Variants in KTN1 observed in about 807,000 individuals in gnomAD.
KTN1 encodes kinectin.
A neutral mutation model predicts 222.5 loss-of-function variants in KTN1; 130 were observed. The ratio of observed to expected loss-of-function variants is 0.58; its 90% confidence interval spans 0.51 to 0.68. The LOEUF (loss-of-function observed/expected upper bound fraction) is 0.68, where lower values mean the gene tolerates loss of function less well. Ranked by LOEUF, KTN1 falls within the 30% of genes least tolerant of loss-of-function variation. The pLI is 0.00. For missense variants in KTN1, 1,508 were observed against 1,500.4 expected, an observed-to-expected ratio of 1.01 and a Z score of -0.08; for synonymous variants, 512 against 496.3, an observed-to-expected ratio of 1.03 and a Z score of -0.42.
intron 8 of KTN1, 66 bp downstream of exon 8, chr14:55,633,407 T>G: frequency 1.1e-6 from 1 of 923,022 alleles, no homozygotes; most frequent in Non-Finnish European, 1.6e-6. Context: ...ATCAAAATAT[T>G]AATAGCGTTT....
Position 55,612,383 on chromosome 14 carries a change from G to C in KTN1, c.335G>C (p.Arg112Thr). ...GTCGTTGAAACTTCAAGTAGTGTTA[G>C]GGAAAGAAAAAAGAAGGAAAAGAAA... is the stretch of plus-strand genomic sequence containing the variant. Reference protein sequence around the residue: ...LNVVETSSSVRERKKKEKKQK... With the variant: ...LNVVETSSSVTERKKKEKKQK... The change falls in exon 2 of 44, where the codon AGG (arginine) becomes ACG (threonine). Residue 112 changes from arginine to threonine, a missense_variant. Coordinates refer to ENST00000395314, the MANE Select transcript of KTN1 (RefSeq NM_001079521.2). The C allele has an allele frequency of 6.2e-7, 1 of 1,613,932 alleles. No homozygotes were observed. Among genetic ancestry groups the C allele is most frequent in the Non-Finnish European group, 8.5e-7 (1 of 1,179,932 alleles).
intron 1 of KTN1, among the ~76,000 whole-genome samples, chr14:55,588,449 C>T (rs976068271): frequency 1.3e-5 from 2 of 152,094 alleles, no homozygotes; most frequent in Admixed American, 1.3e-4. Flanking sequence ...GCATGGGTCT[C>T]ATGGTGTTAT....
intron 18 of KTN1, among the ~76,000 whole-genome samples, chr14:55,646,629 A>G (rs1388127522): frequency 6.9e-6 from 1 of 144,020 alleles, no homozygotes; most frequent in Non-Finnish European, 1.5e-5. Flanking sequence ...GAGGTCTTAG[A>G]GTCTGGATTC....
chr14:55,641,244 A>G, intron 17 of KTN1, 36 bp downstream of exon 17: 2 of 1,222,184 alleles, frequency 1.6e-6, no homozygotes, highest in East Asian at 2.3e-5. Context: ...GGTTTCTTAG[A>G]ACAACCTTGT....
intron 24 of KTN1, among the ~76,000 whole-genome samples, chr14:55,650,980 A>G (rs2042883000): frequency 6.6e-6 from 1 of 152,146 alleles, no homozygotes; most frequent in Admixed American, 6.5e-5. Flanking sequence ...ATGTTATTTG[A>G]ATATACATTG....
intron 8 of KTN1, 145 bp downstream of exon 8, chr14:55,633,486 C>G (rs914170714): frequency 7.9e-6 from 4 of 503,460 alleles, no homozygotes; most frequent in Admixed American, 3.9e-5. Flanking sequence ...AAAAACAATT[C>G]TCTTTTGCTT....
Position 55,637,374 on chromosome 14 carries a change from C to A in KTN1, c.1716+10C>A. 3 of 1,508,400 alleles carry A rather than the reference C, an allele frequency of 2.0e-6. No individual in the cohort carries two copies. Among genetic ancestry groups the A allele is most frequent in the Non-Finnish European group, 1.8e-6 (2 of 1,126,226 alleles). The allele number at this position is 1,508,400 out of a possible 1,614,324, so 93.4% of individuals were successfully genotyped here. On this transcript the variant is annotated intron_variant, in intron 11 of 43. Coordinates refer to ENST00000395314, the MANE Select transcript of KTN1 (RefSeq NM_001079521.2). ...ACAAATGCAGGTTCAGGTATTTTTT[C>A]TTCTTTTTTTTTTTTTAAAAAAATA...
chr14:55,594,242 T>C (rs1157942941), intron 1 of KTN1, among the ~76,000 whole-genome samples: 3 of 152,188 alleles, frequency 2.0e-5, no homozygotes, highest in Non-Finnish European at 4.4e-5. Flanking sequence ...TCCTGAGTAG[T>C]ATTCACAGTG....
At chr14:55,591,579 T>TC (rs759660560) in intron 1 of KTN1, among the ~76,000 whole-genome samples, 9,136 of 148,190 alleles carry the variant, frequency 0.062, 406 homozygotes, top group South Asian at 0.091. Flanking sequence ...CTTTCTCTCT[T>TC]TCTTTTTTTT....
intron 5 of KTN1, among the ~76,000 whole-genome samples, chr14:55,623,251 A>G (rs1334390808): frequency 2.0e-5 from 3 of 152,282 alleles, no homozygotes; most frequent in Non-Finnish European, 4.4e-5. Context: ...ACAATGTAGT[A>G]TGCTTGTTAG....
chr14:55,684,003 A>C, intron 43 of KTN1, 96 bp from the exon 44 acceptor site: 1 of 1,045,510 alleles, frequency 9.6e-7, no homozygotes, highest in East Asian at 2.5e-5. Context: ...TGCTAGATCA[A>C]ATGGAATATG....
At chr14:55,667,586 G>GT (rs971786601) in intron 34 of KTN1, 2 of 230,314 alleles carry the variant, frequency 8.7e-6, no homozygotes, top group African/African-American at 4.6e-5. Context: ...GGAAAGAAAT[G>GT]TTTTTTAATG....
intron 1 of KTN1, among the ~76,000 whole-genome samples, chr14:55,588,632 G>A (rs1056535161): frequency 7.2e-5 from 11 of 152,130 alleles, no homozygotes; most frequent in Non-Finnish European, 1.6e-4. Flanking sequence ...ACCAACAGGA[G>A]GTGGCCACAA....
chr14:55,591,276 C>T (rs932904587), intron 1 of KTN1, among the ~76,000 whole-genome samples: 37 of 152,202 alleles, frequency 2.4e-4, no homozygotes, highest in East Asian at 9.7e-4. Flanking sequence ...AAACTAAAAA[C>T]GCTAGTCAAG....
intron 1 of KTN1, among the ~76,000 whole-genome samples, chr14:55,592,978 A>G (rs761415482): frequency 1.3e-5 from 2 of 151,902 alleles, no homozygotes; most frequent in African/African-American, 4.8e-5. Flanking sequence ...TAATTGTTCT[A>G]TCATTTTTTT....
chr14:55,659,896 GAAT>G (rs1373882101), intron 31 of KTN1, among the ~76,000 whole-genome samples, 193 bp downstream of exon 31: 1 of 152,108 alleles, frequency 6.6e-6, no homozygotes, highest in Non-Finnish European at 1.5e-5. Flanking sequence ...ATTTGGATTT[GAAT>G]ATTTTGTTGA....
At chr14:55,586,088 G>A (rs982847686) in intron 1 of KTN1, among the ~76,000 whole-genome samples, 1 of 152,136 alleles carries the variant, frequency 6.6e-6, no homozygotes, top group Non-Finnish European at 1.5e-5. Context: ...ATCTGGTCTG[G>A]TATAATAAGC....
chr14:55,652,598 A>T (rs1211171309), intron 25 of KTN1, among the ~76,000 whole-genome samples: 1 of 151,910 alleles, frequency 6.6e-6, no homozygotes, highest in Non-Finnish European at 1.5e-5. Context: ...ACGGGGTTTC[A>T]CCGTGTTAGC....
At position 55,640,320 on chromosome 14, in the gene KTN1, A is replaced by G. The variant is rs575716185; in HGVS notation, c.1915-54A>G. 3.2e-6 allele frequency: 4 copies of G among 1,232,114 alleles called. No homozygotes were observed. The African/African-American group carries it at 4.6e-5, about 14-fold the overall frequency. 76.3% of individuals were successfully genotyped at this position (1,232,114 alleles called of 1,614,324 possible). A position where few individuals can be genotyped will look rare whatever the true frequency, so the allele number is the denominator to read the frequency against. On this transcript the variant is annotated intron_variant, in intron 14 of 43. Transcript: ENST00000395314. The stretch of plus-strand genomic sequence containing the variant: ...TCTTTTGTAGAAAAGATGCTTTACA[A>G]ACTTTAAAATCAGTTGTATTAAGTA...
Sources: allele counts gnomAD v4.1 joint callset (sites outside exome capture counted in the v4.1 genomes callset), GRCh38; gene constraint gnomAD v4.1.1; transcripts MANE v1.5; gene names NCBI Gene and HGNC (gene_info 2026-07-23, HGNC 2026-07-21).